CWH43: variants seen among roughly 807,000 people sequenced by gnomAD.
CWH43 encodes cell wall biogenesis 43 C-terminal homolog, also known as PGAP2-interacting protein.
CWH43 carries 91 observed loss-of-function variants against 85.7 expected under a neutral mutation model. The ratio of observed to expected loss-of-function variants is 1.06; its 90% CI spans 0.90 to 1.26. CWH43 has a LOEUF of 1.26. CWH43 is among the 50% of genes most tolerant of loss of function. The probability of loss-of-function intolerance (pLI) is 0.00; values close to 1 mark genes in which losing one functional copy is unlikely to be tolerated. For missense variants in CWH43, 869 were observed against 839.2 expected (o/e 1.04, Z -0.44); for synonymous variants, 323 against 293.6 (o/e 1.10, Z -1.02).
chr4:49,016,289 T>A (rs17611143), intron 8 of CWH43, among the ~76,000 whole-genome samples: 1 of 152,054 alleles, frequency 6.6e-6, no homozygotes, highest in Admixed American at 6.5e-5. Context: ...TAGTGCCATG[T>A]GTTTATTCCC....
chr4:49,006,370 C>G (rs1236626737), intron 7 of CWH43, among the ~76,000 whole-genome samples: 1 of 151,986 alleles, frequency 6.6e-6, no homozygotes, highest in East Asian at 1.9e-4. Flanking sequence ...TTTGATGAGG[C>G]CACAAAAGCC....
At chr4:49,038,831 G>A (rs1784345692) in intron 13 of CWH43, among the ~76,000 whole-genome samples, 1 of 151,966 alleles carries the variant, frequency 6.6e-6, no homozygotes, top group Non-Finnish European at 1.5e-5. Context: ...GGCTGAGGCG[G>A]GCGGATCACG....
intron 9 of CWH43, among the ~76,000 whole-genome samples, chr4:49,022,344 A>G (rs1320190192): frequency 2.0e-5 from 3 of 152,164 alleles, no homozygotes; most frequent in African/African-American, 7.2e-5. Flanking sequence ...TATGTGGTGT[A>G]TCACATTTAT....
chr4:49,020,384 TACACAC>T (rs35489918), intron 9 of CWH43, among the ~76,000 whole-genome samples: 10 of 120,110 alleles, frequency 8.3e-5, no homozygotes, highest in East Asian at 6.6e-4. Flanking sequence ...AGTATTCCAT[TACACAC>T]ACACACACAC....
intron 14 of CWH43, 84 bp downstream of exon 14, chr4:49,044,931 G>A: frequency 5.7e-6 from 6 of 1,044,846 alleles, no homozygotes; most frequent in Non-Finnish European, 7.2e-6. Flanking sequence ...AGAACTTTAT[G>A]GAAGCAATTA....
chr4:49,050,682 T>C lies in CWH43; in HGVS notation c.1866-12T>C. ...ATAAAACTGTTACAAACCATTTCTGTTTCTGCTACAGGTTGGGTTATGCAA... is the reference window on the plus strand; with the variant it reads ...ATAAAACTGTTACAAACCATTTCTGCTTCTGCTACAGGTTGGGTTATGCAA... On this transcript the variant is annotated splice_polypyrimidine_tract_variant and intron_variant, in intron 14 of 15. Transcript: ENST00000226432. 1 of 1,602,072 alleles carries C rather than the reference T, an allele frequency of 6.2e-7. No homozygotes were observed. Among genetic ancestry groups the C allele is most frequent in the South Asian group, 1.1e-5 (1 of 88,560 alleles).
In CWH43 at chr4:48,991,969, G is replaced by C. The variant is rs773192313; in HGVS notation, c.390G>C (p.Gln130His). 4.3e-6 allele frequency: 7 copies of C among 1,613,798 alleles called. No homozygotes were observed. Among genetic ancestry groups the C allele is most frequent in the Middle Eastern group, 3.3e-4 (2 of 6,058 alleles). Residue 130 changes from glutamine (Q) to histidine (H), a missense_variant, in exon 4 of 16, where the codon CAG becomes CAC. Physicochemically the swap from Gln to His is conservative, Grantham distance 24. Around this residue, in one of 3 missense-constraint regions of CWH43, gnomAD observed 152 missense variants for 203.6 expected, o/e 0.75. Coordinates refer to ENST00000226432, the MANE Select transcript of CWH43 (RefSeq NM_025087.3). ...YLRIWGFILG[Q>H]IVLVVLRIWY... ...GAATTTGGGGATTCATTTTAGGACAGATTGTTCTTGTTGTTCTACGCATAT... is the reference window on the plus strand; with the variant it reads ...GAATTTGGGGATTCATTTTAGGACACATTGTTCTTGTTGTTCTACGCATAT...
chr4:49,032,772 T>G lies in CWH43; in HGVS notation c.1658+57T>G, dbSNP rs1392225033. The G allele has an allele frequency of 3.2e-6, 5 of 1,577,944 alleles. No homozygotes were observed. In the African/African-American group the frequency reaches 5.4e-5, roughly 17 times the overall value. On this transcript the variant is annotated intron_variant, in intron 12 of 15. Transcript: ENST00000226432. ...AAATGCCAAGAAATGTTATTAACAA[T>G]GTACTTTGATTTCTATGAAATCACC...
At chr4:49,023,411 G>T (rs1783810083) in intron 9 of CWH43, among the ~76,000 whole-genome samples, 1 of 151,988 alleles carries the variant, frequency 6.6e-6, no homozygotes, top group Non-Finnish European at 1.5e-5. Flanking sequence ...TTTCTCTCTT[G>T]TCACCCAGGC....
intron 6 of CWH43, among the ~76,000 whole-genome samples, chr4:48,998,953 G>A (rs1448214637): frequency 6.6e-6 from 1 of 152,180 alleles, no homozygotes; most frequent in Admixed American, 6.6e-5. Flanking sequence ...TAACTTTTAA[G>A]TTCAGGGGTA....
chr4:48,991,690 G>A, intron 3 of CWH43, 116 bp downstream of exon 3: 2 of 1,263,316 alleles, frequency 1.6e-6, no homozygotes, highest in Non-Finnish European at 2.2e-6. Context: ...CTTTGTCAAA[G>A]TCTCCTTTTT....
chr4:49,041,047 T>A (rs1481909090), intron 13 of CWH43, among the ~76,000 whole-genome samples: 14 of 152,162 alleles, frequency 9.2e-5, no homozygotes, highest in Non-Finnish European at 2.1e-4. Context: ...AAAGATCAGA[T>A]AGTTGTAAAT....
rs371755558 is a variant in CWH43 at position 49,032,118 on chromosome 4, C to T, written c.1509-448C>T. On this transcript the variant is annotated intron_variant, in intron 11 of 15. Transcript: ENST00000226432. ...GCCTGCCAAGGACTGAGCTCTGTGGCTTAGAGTGAGGTGGAATGCCTTTTC... is the reference window on the plus strand; with the variant it reads ...GCCTGCCAAGGACTGAGCTCTGTGGTTTAGAGTGAGGTGGAATGCCTTTTC... 5.9e-5 allele frequency among the ~76,000 whole-genome samples: 9 copies of T among 152,302 alleles called. No homozygotes were observed. The South Asian group carries it at 8.3e-4, about 14-fold the overall frequency.
intron 9 of CWH43, among the ~76,000 whole-genome samples, chr4:49,027,570 A>G (rs1783954613): frequency 6.6e-6 from 1 of 152,136 alleles, no homozygotes; most frequent in South Asian, 2.1e-4. Flanking sequence ...GTCAGTACAT[A>G]GTAGGTGTAT....
intron 15 of CWH43, among the ~76,000 whole-genome samples, chr4:49,056,929 T>G (rs1784983179): frequency 1.3e-5 from 2 of 152,236 alleles, no homozygotes; most frequent in Non-Finnish European, 2.9e-5. Flanking sequence ...AGGAAAGTTT[T>G]GTTTAATTTC....
At chr4:49,061,685 T>C (rs1785162373) in intron 15 of CWH43, 127 bp from the exon 16 acceptor site, 9 of 829,940 alleles carry the variant, frequency 1.1e-5, no homozygotes, top group Non-Finnish European at 1.5e-5. Context: ...GCCTTTCCTA[T>C]ATGCATGAAT....
At chr4:49,035,688 G>A (rs1477938063) in intron 12 of CWH43, among the ~76,000 whole-genome samples, 1 of 152,140 alleles carries the variant, frequency 6.6e-6, no homozygotes, top group Non-Finnish European at 1.5e-5. Flanking sequence ...CTCTCTTTCT[G>A]TCTTGACCTC....
chr4:49,003,711 G>A (rs1407543790), intron 6 of CWH43, 24 bp from the exon 7 acceptor site: 1 of 1,612,758 alleles, frequency 6.2e-7, no homozygotes, highest in Non-Finnish European at 8.5e-7. Context: ...TTTCCTGTCT[G>A]ATTCTTTTCT....
intron 9 of CWH43, among the ~76,000 whole-genome samples, chr4:49,025,280 T>G (rs952154993): frequency 1.6e-4 from 24 of 152,262 alleles, no homozygotes; most frequent in African/African-American, 5.8e-4. Flanking sequence ...TTTATTTCTT[T>G]AAGTCTGACT....
Sources: gnomAD v4.1 joint callset for allele counts (sites outside exome capture counted in the v4.1 genomes callset) on GRCh38, gnomAD v4.1.1 for gene constraint, gnomAD v4.1.1 regional missense constraint, MANE v1.5 for transcripts, NCBI Gene and HGNC (gene_info 2026-07-23, HGNC 2026-07-21) for gene names.